Variants in GRK4 observed in about 807,000 individuals in gnomAD.
GRK4 encodes the protein G protein-coupled receptor kinase 4.
GRK4 carries 73 observed loss-of-function variants against 77.9 expected under a neutral mutation model. The ratio of observed to expected loss-of-function variants is 0.94; its 90% CI spans 0.78 to 1.14. The LOEUF is 1.14. Ranked by LOEUF, GRK4 falls within the 50% of genes most tolerant of loss-of-function variation. GRK4 has a pLI of 0.00. For synonymous variants in GRK4, 257 were observed against 254.4 expected, an observed-to-expected ratio of 1.01 and a Z score of -0.10; for missense variants, 729 against 700.2, an observed-to-expected ratio of 1.04 and a Z score of -0.46.
chr4:2,971,932 C>T lies in GRK4; in HGVS notation c.52+7810C>T, dbSNP rs369781559. On this transcript the variant is annotated intron_variant, in intron 1 of 15. Transcript: ENST00000398052. ...GATACCAATCATGTTGGATTAGGGC[C>T]CACCCTAATGACCTAATTTTAACTT... Among the ~76,000 whole-genome samples, 10 of 152,124 alleles carry T rather than the reference C, an allele frequency of 6.6e-5. No individual in the cohort carries two copies. The East Asian group carries it at 1.9e-3, about 29-fold the overall frequency.
chr4:2,965,173 T>C (rs1353021818), intron 1 of GRK4: 4 of 645,534 alleles, frequency 6.2e-6, no homozygotes, highest in Admixed American at 2.3e-5. Context: ...TTTTTGGATG[T>C]GAATCCACTG....
chr4:3,028,285 TCACTCTAC>T (rs1738175164), intron 11 of GRK4, among the ~76,000 whole-genome samples: 1 of 152,156 alleles, frequency 6.6e-6, no homozygotes, highest in Non-Finnish European at 1.5e-5. Flanking sequence ...GCAGGTCTCC[TCACTCTAC>T]CAGTGTCCTC....
chr4:3,021,563 C>T lies in GRK4; in HGVS notation c.933-851C>T, dbSNP rs569924000. Among the ~76,000 whole-genome samples the T allele has an allele frequency of 6.6e-4, 101 of 152,308 alleles. No homozygotes were observed. The Middle Eastern group carries it at 0.01, about 15-fold the overall frequency. On this transcript the variant is annotated intron_variant, in intron 9 of 15. Transcript: ENST00000398052. ...GGCTTGGCAGTGGGGCTGACACCTC[C>T]GCACCTTGAGCATTGAGCAAGGGGT...
intron 10 of GRK4, among the ~76,000 whole-genome samples, chr4:3,025,686 C>G (rs375031882): frequency 6.6e-6 from 1 of 152,010 alleles, no homozygotes; most frequent in South Asian, 2.1e-4. Context: ...GCACCGCGCC[C>G]GGCCAGCAAT....
intron 1 of GRK4, among the ~76,000 whole-genome samples, chr4:2,968,054 G>T (rs973946147): frequency 6.6e-6 from 1 of 150,428 alleles, no homozygotes; most frequent in Non-Finnish European, 1.5e-5. Flanking sequence ...GCCTCCCAAA[G>T]TACTGGGATT....
At chr4:3,002,323 G>A (rs1454374483) in intron 4 of GRK4, among the ~76,000 whole-genome samples, 1 of 152,118 alleles carries the variant, frequency 6.6e-6, no homozygotes, top group Non-Finnish European at 1.5e-5. Context: ...CTGGACCCAG[G>A]CTGGGCACAG....
intron 15 of GRK4, among the ~76,000 whole-genome samples, chr4:3,040,312 G>A (rs992325585): frequency 2.0e-5 from 3 of 152,086 alleles, no homozygotes; most frequent in African/African-American, 7.2e-5. Flanking sequence ...GTGGTGGCGT[G>A]TGGCTGTGGT....
chr4:2,965,301 ACAATCCTCTGTG>A (rs1717242439), intron 1 of GRK4: 1 of 702,852 alleles, frequency 1.4e-6, no homozygotes, highest in African/African-American at 1.7e-5. Flanking sequence ...GGAGACCCCC[ACAATCCTCTGTG>A]CAATCCTCTG....
intron 15 of GRK4, chr4:3,038,830 G>C (rs940525476): frequency 4.3e-6 from 1 of 232,466 alleles, no homozygotes; most frequent in Non-Finnish European, 7.6e-6. Context: ...TGGAACCTTC[G>C]TCAGATGGCA....
chr4:3,038,670 G>C (rs1368369652), intron 15 of GRK4, 157 bp downstream of exon 15: 1 of 696,470 alleles, frequency 1.4e-6, no homozygotes, highest in Non-Finnish European at 2.3e-6. Context: ...GTGGAGGCCA[G>C]CCAGAACAAT....
At position 3,013,917 on chromosome 4, in the gene GRK4, A is replaced by T. The variant is rs531973117; in HGVS notation, c.741+89A>T. ...ATGCCGCTCAGCTCACGCTCACTGA[A>T]GCCGTGGAAGTCATTTCTTGTTTTC... On this transcript the variant is annotated intron_variant, in intron 8 of 15. Transcript: ENST00000398052. 1.5e-4 allele frequency: 203 copies of T among 1,352,266 alleles called. 1 individual carries two copies. The highest frequency in any genetic ancestry group is 2.0e-4 in the Non-Finnish European group (199 of 1,006,554). 83.8% of individuals were successfully genotyped at this position (1,352,266 alleles called of 1,614,324 possible).
chr4:2,964,189 C>A (rs984894111), intron 1 of GRK4, 67 bp downstream of exon 1: 129 of 1,322,080 alleles, frequency 9.8e-5, no homozygotes, highest in African/African-American at 8.4e-4. Context: ...AACCCTGGCC[C>A]CCCTGAAGGA....
intron 4 of GRK4, among the ~76,000 whole-genome samples, chr4:2,996,156 G>T (rs1473353340): frequency 6.6e-6 from 1 of 152,230 alleles, no homozygotes; most frequent in South Asian, 2.1e-4. Flanking sequence ...GAAAGAGAGG[G>T]ATTGCTTGCA....
chr4:2,979,880 GA>G (rs988707601), intron 1 of GRK4, among the ~76,000 whole-genome samples: 17 of 151,766 alleles, frequency 1.1e-4, no homozygotes, highest in Non-Finnish European at 2.5e-4. Context: ...TCTCAAAAAA[GA>G]AAAAAAATGG....
At chr4:2,978,921 C>T (rs769826507) in intron 1 of GRK4, among the ~76,000 whole-genome samples, 30 of 151,614 alleles carry the variant, frequency 2.0e-4, no homozygotes, top group Non-Finnish European at 3.8e-4. Flanking sequence ...GCTGAAACCC[C>T]GTCTCTTACT....
intron 1 of GRK4, 97 bp downstream of exon 1, chr4:2,964,219 C>A: frequency 9.7e-7 from 1 of 1,036,030 alleles, no homozygotes; most frequent in Non-Finnish European, 1.4e-6. Flanking sequence ...CCCCGGAGAA[C>A]CCCGATTTCC....
At chr4:3,028,874 C>T (rs1012009780) in intron 11 of GRK4, among the ~76,000 whole-genome samples, 14 of 151,930 alleles carry the variant, frequency 9.2e-5, no homozygotes, top group Admixed American at 6.6e-4. Context: ...CAGGCACAAG[C>T]GATTCTCCTG....
At chr4:2,975,632 G>A (rs1343865479) in intron 1 of GRK4, among the ~76,000 whole-genome samples, 1 of 152,056 alleles carries the variant, frequency 6.6e-6, no homozygotes, top group Non-Finnish European at 1.5e-5. Flanking sequence ...CGGCTAACAT[G>A]GACAGACAGA....
rs576919718 is a variant in GRK4 at position 3,036,428 on chromosome 4, G to A, written c.1407+905G>A. ...AGCTACTCTAACAGCTGTGCTGACC[G>A]TGGCCTTTGGAGCCACTGCTTTGCT... On this transcript the variant is annotated intron_variant, in intron 13 of 15. Transcript: ENST00000398052. Among the ~76,000 whole-genome samples, 8 of 152,378 alleles carry A rather than the reference G, an allele frequency of 5.3e-5. No homozygotes were observed. The East Asian group carries it at 7.7e-4, about 15-fold the overall frequency.
Sources: gnomAD v4.1 joint callset for allele counts (sites outside exome capture counted in the v4.1 genomes callset) on GRCh38, gnomAD v4.1.1 for gene constraint, MANE v1.5 for transcripts, NCBI Gene and HGNC (gene_info 2026-07-23, HGNC 2026-07-21) for gene names.